Variants in SCHIP1 observed in about 807,000 individuals in gnomAD.
The protein encoded by SCHIP1 is schwannomin interacting protein 1.
A neutral mutation model predicts 29.7 loss-of-function variants in SCHIP1; 8 were observed. The observed-to-expected ratio is 0.27, with a 90% CI of 0.16 to 0.49. The LOEUF (loss-of-function observed/expected upper bound fraction) is 0.49, where lower values mean the gene tolerates loss of function less well. Ranked by LOEUF, SCHIP1 falls within the 20% of genes least tolerant of loss-of-function variation. The probability of loss-of-function intolerance (pLI) is 0.99; values close to 1 mark genes in which losing one functional copy is unlikely to be tolerated. For missense variants in SCHIP1, 193 were observed against 294.6 expected, an observed-to-expected ratio of 0.66 and a Z score of 2.52; for synonymous variants, 76 against 94.9, an observed-to-expected ratio of 0.80 and a Z score of 1.16.
the SCHIP1 span, among the ~76,000 whole-genome samples, chr3:159,714,984 G>A: frequency 6.6e-6 from 1 of 152,232 alleles, no homozygotes; most frequent in Non-Finnish European, 1.5e-5. Flanking sequence ...CTAACTGGGA[G>A]GCATCTCCCA....
the SCHIP1 span, among the ~76,000 whole-genome samples, chr3:159,827,437 G>T: frequency 6.6e-6 from 1 of 152,160 alleles, no homozygotes; most frequent in Non-Finnish European, 1.5e-5. Flanking sequence ...TCTGTCCTGT[G>T]TTCAGTGACA....
the SCHIP1 span, among the ~76,000 whole-genome samples, chr3:159,628,262 C>A: frequency 6.6e-6 from 1 of 152,162 alleles, no homozygotes; most frequent in Non-Finnish European, 1.5e-5. Flanking sequence ...ACTTACAAAG[C>A]TTGGAACGAG....
At chr3:159,326,107 A>G in the SCHIP1 span, among the ~76,000 whole-genome samples, 1 of 152,252 alleles carries the variant, frequency 6.6e-6, no homozygotes, top group East Asian at 1.9e-4. Flanking sequence ...TGAGACACGG[A>G]GAGGCTAAGT....
At chr3:159,533,388 C>T in the SCHIP1 span, among the ~76,000 whole-genome samples, 1 of 152,138 alleles carries the variant, frequency 6.6e-6, no homozygotes, top group Non-Finnish European at 1.5e-5. Flanking sequence ...TAGGCAAAAG[C>T]ACACCATCCC....
At chr3:159,336,894 C>T in the SCHIP1 span, among the ~76,000 whole-genome samples, 1 of 152,062 alleles carries the variant, frequency 6.6e-6, no homozygotes, top group Non-Finnish European at 1.5e-5. Context: ...TCATTGGTAG[C>T]TTGATGGGGA....
the SCHIP1 span, among the ~76,000 whole-genome samples, chr3:159,626,219 T>TAG: frequency 3.4e-5 from 4 of 117,340 alleles, no homozygotes; most frequent in Admixed American, 8.0e-5. Context: ...TATATCTAGA[T>TAG]ATATATATAT....
chr3:159,632,013 AAAAG>A, the SCHIP1 span, among the ~76,000 whole-genome samples: 3 of 152,118 alleles, frequency 2.0e-5, no homozygotes, highest in African/African-American at 4.8e-5. Context: ...TTACTTTTCA[AAAAG>A]AAAGAAAACA....
At chr3:159,827,677 C>T in the SCHIP1 span, among the ~76,000 whole-genome samples, 4 of 151,810 alleles carry the variant, frequency 2.6e-5, no homozygotes, top group South Asian at 2.1e-4. Flanking sequence ...CGGTGGCGGG[C>T]GCCTGTAGTC....
chr3:159,876,915 C>T (rs1715883951), intron 2 of SCHIP1, among the ~76,000 whole-genome samples: 1 of 152,188 alleles, frequency 6.6e-6, no homozygotes, highest in Non-Finnish European at 1.5e-5. Context: ...GATGCTGGAG[C>T]TTTGTTGTTC....
chr3:159,297,943 G>C, the SCHIP1 span, among the ~76,000 whole-genome samples: 1 of 152,148 alleles, frequency 6.6e-6, no homozygotes, highest in Non-Finnish European at 1.5e-5. Context: ...TTTTTCCTCA[G>C]AGTATGCATC....
the SCHIP1 span, among the ~76,000 whole-genome samples, chr3:159,521,278 T>C: frequency 6.6e-6 from 1 of 152,208 alleles, no homozygotes; most frequent in Non-Finnish European, 1.5e-5. Context: ...ATTGAACAGG[T>C]AAGCCAGTTG....
chr3:159,828,419 GTATATATATACGTATATATACGTA>G, the SCHIP1 span, among the ~76,000 whole-genome samples: 2 of 46,752 alleles, frequency 4.3e-5, no homozygotes, highest in East Asian at 2.3e-3. Context: ...GTATATATAC[GTATATATATACGTATATATACGTA>G]TATATATACG....
the SCHIP1 span, among the ~76,000 whole-genome samples, chr3:159,728,659 A>G: frequency 2.0e-5 from 3 of 152,210 alleles, no homozygotes; most frequent in Admixed American, 2.0e-4. Context: ...GAGCAATGCT[A>G]TGCTCAGAAG....
the SCHIP1 span, among the ~76,000 whole-genome samples, chr3:159,538,544 A>G: frequency 2.0e-5 from 3 of 152,166 alleles, no homozygotes; most frequent in African/African-American, 7.2e-5. Flanking sequence ...TGTGCATAAT[A>G]CCTTGCATTA....
At chr3:159,337,937 C>G in the SCHIP1 span, among the ~76,000 whole-genome samples, 1 of 152,310 alleles carries the variant, frequency 6.6e-6, no homozygotes, top group Non-Finnish European at 1.5e-5. Context: ...TACCATGGGT[C>G]TGCCTGAAAA....
chr3:159,358,490 T>A, the SCHIP1 span, among the ~76,000 whole-genome samples: 1 of 152,202 alleles, frequency 6.6e-6, no homozygotes, highest in Non-Finnish European at 1.5e-5. Flanking sequence ...GTTGGGAGAT[T>A]ATGCCTCTGA....
At chr3:159,305,521 A>G in the SCHIP1 span, among the ~76,000 whole-genome samples, 2 of 152,154 alleles carry the variant, frequency 1.3e-5, no homozygotes, top group Admixed American at 6.5e-5. Context: ...TTTACTTTCC[A>G]CTGATACTGT....
the SCHIP1 span, among the ~76,000 whole-genome samples, chr3:159,708,205 C>T: frequency 4.6e-5 from 7 of 152,144 alleles, no homozygotes; most frequent in African/African-American, 1.7e-4. Context: ...AAGCACAAGA[C>T]AAGAGTTCAA....
At chr3:159,628,862 T>G in the SCHIP1 span, among the ~76,000 whole-genome samples, 1 of 152,178 alleles carries the variant, frequency 6.6e-6, no homozygotes, top group Non-Finnish European at 1.5e-5. Context: ...AGATTTTTTA[T>G]GTGTAAAAAT....
Sources: gnomAD v4.1 joint callset for allele counts (sites outside exome capture counted in the v4.1 genomes callset) on GRCh38, gnomAD v4.1.1 for gene constraint, MANE v1.5 for transcripts, NCBI Gene and HGNC (gene_info 2026-07-23, HGNC 2026-07-21) for gene names.